WDR37: variants seen among roughly 807,000 people sequenced by gnomAD.
WDR37 encodes the protein WD repeat domain 37.
WDR37 carries 19 observed loss-of-function variants against 62.9 expected under a neutral mutation model. The ratio of observed to expected loss-of-function variants is 0.30; its 90% CI spans 0.21 to 0.44. The LOEUF is 0.44. WDR37 is among the 20% of genes least tolerant of loss of function. The pLI is 1.00. For synonymous variants in WDR37, 250 were observed against 260.9 expected (o/e 0.96, Z 0.40); for missense variants, 474 against 657.6 (o/e 0.72, Z 3.05).
At chr10:1,118,992 G>A (rs886071802) in intron 11 of WDR37, among the ~76,000 whole-genome samples, 3 of 152,140 alleles carry the variant, frequency 2.0e-5, no homozygotes, top group South Asian at 2.1e-4. Flanking sequence ...AACTGATAAC[G>A]TAGAAATGAA....
intron 9 of WDR37, among the ~76,000 whole-genome samples, chr10:1,100,741 G>C (rs974975312): frequency 6.6e-6 from 1 of 152,138 alleles, no homozygotes; most frequent in Non-Finnish European, 1.5e-5. Flanking sequence ...TCTTTGAGGG[G>C]TTCACCCCGT....
intron 7 of WDR37, among the ~76,000 whole-genome samples, chr10:1,088,332 T>G (rs1834268701): frequency 6.6e-6 from 1 of 152,242 alleles, no homozygotes; most frequent in Non-Finnish European, 1.5e-5. Flanking sequence ...CTGTCTCAGC[T>G]TTTGACTTGC....
intron 9 of WDR37, among the ~76,000 whole-genome samples, chr10:1,102,057 T>C (rs1834829260): frequency 1.3e-5 from 2 of 149,696 alleles, no homozygotes; most frequent in African/African-American, 4.9e-5. Flanking sequence ...CCCTTGCTGC[T>C]GTGCGTCCAT....
chr10:1,060,347 A>G (rs1320169062), intron 1 of WDR37, among the ~76,000 whole-genome samples: 1 of 152,352 alleles, frequency 6.6e-6, no homozygotes, highest in African/African-American at 2.4e-5. Context: ...GGTGAACTGG[A>G]CAGACTAAAT....
chr10:1,065,587 TAAAAA>T (rs914568513), intron 1 of WDR37, among the ~76,000 whole-genome samples: 7 of 140,814 alleles, frequency 5.0e-5, no homozygotes, highest in African/African-American at 1.3e-4. Flanking sequence ...TGTCAGTAGG[TAAAAA>T]AAAAAAGCTA....
intron 7 of WDR37, among the ~76,000 whole-genome samples, chr10:1,088,261 C>T (rs1416358441): frequency 1.3e-5 from 2 of 152,194 alleles, no homozygotes; most frequent in African/African-American, 2.4e-5. Context: ...TACTTTCCTT[C>T]GAGAACTTTT....
At chr10:1,093,777 C>T (rs1410857257) in intron 8 of WDR37, among the ~76,000 whole-genome samples, 1 of 152,178 alleles carries the variant, frequency 6.6e-6, no homozygotes, top group South Asian at 2.1e-4. Context: ...GCTGCTCCCC[C>T]CGCAGTTCCT....
chr10:1,072,818 A>G (rs745717291), intron 2 of WDR37, among the ~76,000 whole-genome samples: 2 of 152,246 alleles, frequency 1.3e-5, no homozygotes, highest in Non-Finnish European at 2.9e-5. Context: ...ATACTAAGTA[A>G]TAACAAATCA....
chr10:1,129,072 T>C, intron 13 of WDR37, 141 bp from the exon 14 acceptor site: 1 of 1,193,632 alleles, frequency 8.4e-7, no homozygotes, highest in Non-Finnish European at 1.2e-6. Context: ...TGCTCGGTGG[T>C]CCATGGGACT....
chr10:1,126,230 C>G (rs545264800), intron 13 of WDR37, among the ~76,000 whole-genome samples: 1 of 151,966 alleles, frequency 6.6e-6, no homozygotes, highest in Non-Finnish European at 1.5e-5. Context: ...ACGGTGAAAC[C>G]CTGTCTCTAA....
chr10:1,076,775 G>C (rs943825463), intron 2 of WDR37, among the ~76,000 whole-genome samples: 1 of 152,126 alleles, frequency 6.6e-6, no homozygotes, highest in Admixed American at 6.5e-5. Context: ...AGGCACAGTG[G>C]CTCACGCCTG....
chr10:1,113,950 CTTTTTTTT>C (rs56654628), intron 11 of WDR37, among the ~76,000 whole-genome samples: 15 of 76,196 alleles, frequency 2.0e-4, no homozygotes, highest in East Asian at 4.8e-4. Context: ...GGTAAAATGC[CTTTTTTTT>C]TTTTTTTTTT....
chr10:1,080,247 A>G lies in WDR37; in HGVS notation c.331+141A>G. On this transcript the variant is annotated intron_variant, in intron 4 of 13. Transcript: ENST00000263150. Reference sequence around the variant, plus strand: ...AATTCAGGTGTGGGTCTAGGAGAATAAGGAGCTCGGTTCTTGTTCCTGTTC... The same window carrying G: ...AATTCAGGTGTGGGTCTAGGAGAATGAGGAGCTCGGTTCTTGTTCCTGTTC... The G allele has an allele frequency of 3.2e-6, 4 of 1,261,836 alleles. No homozygotes were observed. The East Asian group carries it at 1.0e-4, about 31-fold the overall frequency. 78.2% of individuals were successfully genotyped at this position (1,261,836 alleles called of 1,614,324 possible). A position where few individuals can be genotyped will look rare whatever the true frequency, so the allele number is the denominator to read the frequency against.
At chr10:1,099,852 T>C (rs938056188) in intron 9 of WDR37, among the ~76,000 whole-genome samples, 8 of 150,148 alleles carry the variant, frequency 5.3e-5, no homozygotes, top group African/African-American at 4.9e-5. Flanking sequence ...AGGGTGAGCA[T>C]TGATGCTCAG....
intron 2 of WDR37, among the ~76,000 whole-genome samples, chr10:1,074,753 A>G (rs1589083485): frequency 1.3e-5 from 2 of 152,250 alleles, no homozygotes; most frequent in East Asian, 1.9e-4. Flanking sequence ...AGGAGCAGCA[A>G]TATAGAAGAG....
intron 1 of WDR37, among the ~76,000 whole-genome samples, chr10:1,066,337 C>T (rs554525694): frequency 3.9e-5 from 6 of 152,242 alleles, no homozygotes; most frequent in South Asian, 2.1e-4. Flanking sequence ...AGGATGGTCT[C>T]GAAGTCCTGA....
chr10:1,081,166 C>T (rs1432439752), intron 5 of WDR37, among the ~76,000 whole-genome samples: 1 of 152,128 alleles, frequency 6.6e-6, no homozygotes, highest in Non-Finnish European at 1.5e-5. Context: ...TAAGTGTGAT[C>T]AGGAAGTGAA....
At chr10:1,072,081 G>A (rs987541164) in intron 1 of WDR37, 35 bp from the exon 2 acceptor site, 1 of 1,539,446 alleles carries the variant, frequency 6.5e-7, no homozygotes, top group Admixed American at 2.0e-5. Context: ...TCAACTCGCT[G>A]TATCAGAAAC....
chr10:1,098,997 T>A (rs1298553573), intron 9 of WDR37, among the ~76,000 whole-genome samples: 1 of 152,258 alleles, frequency 6.6e-6, no homozygotes, highest in Admixed American at 6.5e-5. Flanking sequence ...GTATCTTTCA[T>A]GGACGTTTAT....
Sources: allele counts gnomAD v4.1 joint callset (sites outside exome capture counted in the v4.1 genomes callset), GRCh38; gene constraint gnomAD v4.1.1; transcripts MANE v1.5; gene names NCBI Gene and HGNC (gene_info 2026-07-23, HGNC 2026-07-21).